The following GALNTL6 variants were observed in gnomAD, a reference collection of about 807,000 sequenced individuals.
The protein encoded by GALNTL6 is polypeptide N-acetylgalactosaminyltransferase like 6, also known as polypeptide N-acetylgalactosaminyltransferase-like 6.
GALNTL6 carries 46 observed loss-of-function variants against 73.7 expected under a neutral mutation model. The observed-to-expected ratio is 0.62, with a 90% CI of 0.49 to 0.80. The LOEUF (loss-of-function observed/expected upper bound fraction) is 0.80. Among genes scored for constraint, GALNTL6 ranks in the 30% least tolerant of loss-of-function variants. The pLI, the probability that GALNTL6 is intolerant of heterozygous loss-of-function variation, is 0.00. For synonymous variants in GALNTL6, 259 were observed against 263.7 expected (o/e 0.98, Z 0.17); for missense variants, 604 against 755.0 (o/e 0.80, Z 2.34).
chr4:171,995,073 A>G (rs969967613), intron 2 of GALNTL6, among the ~76,000 whole-genome samples: 1 of 151,986 alleles, frequency 6.6e-6, no homozygotes, highest in African/African-American at 2.4e-5. Flanking sequence ...ATAAAATTAT[A>G]GAAAATTATA....
chr4:172,704,892 A>G (rs1734236254), intron 5 of GALNTL6, among the ~76,000 whole-genome samples: 1 of 151,918 alleles, frequency 6.6e-6, no homozygotes, highest in South Asian at 2.1e-4. Flanking sequence ...TATATTTATT[A>G]TTATATCTTC....
chr4:172,237,663 A>G (rs1167468060), intron 3 of GALNTL6, among the ~76,000 whole-genome samples: 1 of 152,090 alleles, frequency 6.6e-6, no homozygotes, highest in Non-Finnish European at 1.5e-5. Flanking sequence ...AATATTTGCC[A>G]GAGCTTAAGT....
intron 5 of GALNTL6, among the ~76,000 whole-genome samples, chr4:172,671,746 G>A (rs1383295562): frequency 6.6e-6 from 1 of 152,176 alleles, no homozygotes; most frequent in African/African-American, 2.4e-5. Context: ...TTTTCAAGGA[G>A]AATACTTCAG....
Position 172,441,972 on chromosome 4 carries a change from C to T in GALNTL6, c.553+93283C>T, listed in dbSNP as rs336009. On this transcript the variant is annotated intron_variant, in intron 5 of 12. Coordinates refer to ENST00000506823, the MANE Select transcript of GALNTL6 (RefSeq NM_001034845.3). ...CAAAGAAATTTCCAGTCACATTATC[C>T]AGCATCAGGGAAATGATAGACCCTT... Among the ~76,000 whole-genome samples, 1,395 of 152,104 alleles carry T rather than the reference C, an allele frequency of 9.2e-3. 28 individuals carry two copies. The highest frequency in any genetic ancestry group is 0.032 in the African/African-American group (1,317 of 41,482).
At chr4:171,960,107 G>A (rs942487749) in intron 2 of GALNTL6, among the ~76,000 whole-genome samples, 6 of 152,094 alleles carry the variant, frequency 3.9e-5, no homozygotes, top group African/African-American at 1.2e-4. Context: ...ACAGATTGTA[G>A]GTGTCTTTCT....
intron 5 of GALNTL6, among the ~76,000 whole-genome samples, chr4:172,592,494 C>T (rs1483746791): frequency 3.3e-5 from 5 of 152,098 alleles, no homozygotes; most frequent in East Asian, 3.9e-4. Flanking sequence ...ACCACAACAC[C>T]TACTTTCATA....
At chr4:172,628,762 T>G (rs1376326639) in intron 5 of GALNTL6, among the ~76,000 whole-genome samples, 1 of 152,204 alleles carries the variant, frequency 6.6e-6, no homozygotes, top group Non-Finnish European at 1.5e-5. Flanking sequence ...GTTTTTGGAA[T>G]GCTAGTGCTA....
At chr4:172,871,452 A>G (rs1000446983) in intron 7 of GALNTL6, among the ~76,000 whole-genome samples, 1 of 151,904 alleles carries the variant, frequency 6.6e-6, no homozygotes, top group Non-Finnish European at 1.5e-5. Context: ...ATACTGATCT[A>G]CTTTTCCTTC....
intron 7 of GALNTL6, among the ~76,000 whole-genome samples, chr4:172,865,979 C>A (rs1744643209): frequency 6.6e-6 from 1 of 152,204 alleles, no homozygotes; most frequent in Admixed American, 6.5e-5. Context: ...CTAAGTGAAA[C>A]CACATTTTCA....
At chr4:172,956,848 AT>A (rs1408729274) in intron 10 of GALNTL6, among the ~76,000 whole-genome samples, 1 of 152,110 alleles carries the variant, frequency 6.6e-6, no homozygotes, top group Non-Finnish European at 1.5e-5. Flanking sequence ...TTTCCTGAAG[AT>A]TGAGGACAGT....
intron 2 of GALNTL6, among the ~76,000 whole-genome samples, chr4:171,872,443 G>T (rs562931246): frequency 1.3e-5 from 2 of 152,196 alleles, no homozygotes; most frequent in African/African-American, 2.4e-5. Flanking sequence ...ACTCAATAAA[G>T]CTCTAATTCA....
At chr4:171,842,657 C>T (rs1735268399) in intron 2 of GALNTL6, among the ~76,000 whole-genome samples, 1 of 151,886 alleles carries the variant, frequency 6.6e-6, no homozygotes, top group Non-Finnish European at 1.5e-5. Flanking sequence ...GGAGGAGGTC[C>T]TAGACTCTTA....
chr4:172,732,495 T>A (rs543009986), intron 5 of GALNTL6, among the ~76,000 whole-genome samples: 48 of 152,274 alleles, frequency 3.2e-4, no homozygotes, highest in African/African-American at 1.0e-3. Flanking sequence ...CTCTATGCCT[T>A]TTAGTTGGAG....
chr4:172,562,692 C>T lies in GALNTL6; in HGVS notation c.553+214003C>T, dbSNP rs766625879. Among the ~76,000 whole-genome samples, 16 of 152,360 alleles carry T rather than the reference C, an allele frequency of 1.1e-4. No individual in the cohort carries two copies. The East Asian group carries it at 3.1e-3, about 29-fold the overall frequency. On this transcript the variant is annotated intron_variant, in intron 5 of 12. Transcript: ENST00000506823. ...ATTCCTGCTGCTCCTGCAAACAATG[C>T]TCAGTGATTTGTAATCACGGATCAT... is the stretch of plus-strand genomic sequence containing the variant.
intron 2 of GALNTL6, among the ~76,000 whole-genome samples, chr4:172,074,452 C>T (rs1420355243): frequency 6.6e-6 from 1 of 152,162 alleles, no homozygotes; most frequent in Non-Finnish European, 1.5e-5. Context: ...TGTCACAATG[C>T]CAAGAGTGCG....
chr4:172,547,861 A>T (rs1735828529), intron 5 of GALNTL6, among the ~76,000 whole-genome samples: 1 of 152,162 alleles, frequency 6.6e-6, no homozygotes, highest in Non-Finnish European at 1.5e-5. Flanking sequence ...ACCTTCCCAG[A>T]AGCTAATCTG....
chr4:172,419,998 G>A lies in GALNTL6; in HGVS notation c.553+71309G>A, dbSNP rs1245965077. Among the ~76,000 whole-genome samples the A allele has an allele frequency of 2.0e-5, 3 of 152,256 alleles. No homozygotes were observed. The East Asian group carries it at 5.8e-4, about 29-fold the overall frequency. On this transcript the variant is annotated intron_variant, in intron 5 of 12. Transcript: ENST00000506823. ...AGAATTTTGTGTGAAAAAACAGAGGGATGTTAATTTTAATATGTCCTTGAT... is the reference window on the plus strand; with the variant it reads ...AGAATTTTGTGTGAAAAAACAGAGGAATGTTAATTTTAATATGTCCTTGAT...
chr4:172,983,234 A>C (rs1726787091), intron 10 of GALNTL6, among the ~76,000 whole-genome samples: 1 of 152,200 alleles, frequency 6.6e-6, no homozygotes, highest in South Asian at 2.1e-4. Context: ...CCAGAGGCAA[A>C]GAACGTAATC....
At chr4:172,162,004 G>A (rs1734483706) in intron 2 of GALNTL6, among the ~76,000 whole-genome samples, 1 of 152,032 alleles carries the variant, frequency 6.6e-6, no homozygotes, top group Non-Finnish European at 1.5e-5. Context: ...ACTTGATTAA[G>A]TTTGTTCATG....
Sources: allele counts gnomAD v4.1 joint callset (sites outside exome capture counted in the v4.1 genomes callset), GRCh38; gene constraint gnomAD v4.1.1; transcripts MANE v1.5; gene names NCBI Gene and HGNC (gene_info 2026-07-23, HGNC 2026-07-21).